The following NAALADL2 variants were observed in gnomAD, a reference collection of about 807,000 sequenced individuals.
NAALADL2 encodes the protein inactive N-acetylated-alpha-linked acidic dipeptidase-like protein 2.
NAALADL2 carries 76 observed loss-of-function variants against 87.2 expected under a neutral mutation model. That is an observed-to-expected ratio of 0.87 (90% CI 0.72 to 1.05). NAALADL2 has a LOEUF of 1.05. Among genes scored for constraint, NAALADL2 ranks in the 50% least tolerant of loss-of-function variants. The pLI is 0.00. For synonymous variants in NAALADL2, 354 were observed against 331.0 expected (o/e 1.07, Z -0.75); for missense variants, 1,089 against 945.8 (o/e 1.15, Z -1.99).
At chr3:175,608,857 A>G (rs1258264575) in intron 10 of NAALADL2, among the ~76,000 whole-genome samples, 1 of 152,118 alleles carries the variant, frequency 6.6e-6, no homozygotes, top group Non-Finnish European at 1.5e-5. Flanking sequence ...TGCATAGCTT[A>G]CCTTTTATTT....
Position 175,790,119 on chromosome 3 carries a change from C to A in NAALADL2, c.2190-12886C>A, listed in dbSNP as rs76743024. ...AATTACCAACACCAAGTAATTATGA[C>A]CTTTTTCTCTTCATTTTGATAACTT... On this transcript the variant is annotated intron_variant, in intron 13 of 13. Transcript: ENST00000454872. 3.5e-3 allele frequency among the ~76,000 whole-genome samples: 533 copies of A among 152,242 alleles called. 7 individuals are homozygous for A. The highest frequency in any genetic ancestry group is 0.012 in the African/African-American group (496 of 41,566).
intron 4 of NAALADL2, among the ~76,000 whole-genome samples, chr3:175,323,202 G>C (rs1281708942): frequency 6.7e-6 from 1 of 150,274 alleles, no homozygotes; most frequent in African/African-American, 2.5e-5. Flanking sequence ...CATGGATGAA[G>C]CTGGAAACCA....
At chr3:175,301,259 C>G (rs1757051487) in intron 4 of NAALADL2, among the ~76,000 whole-genome samples, 1 of 152,030 alleles carries the variant, frequency 6.6e-6, no homozygotes, top group Non-Finnish European at 1.5e-5. Context: ...CCCAGAGATT[C>G]TGCTATCCCT....
intron 1 of NAALADL2, among the ~76,000 whole-genome samples, chr3:174,516,738 ACT>A (rs1409356352): frequency 2.0e-5 from 3 of 151,602 alleles, no homozygotes; most frequent in Middle Eastern, 3.4e-3. Context: ...TTGTGGAACA[ACT>A]CTCTGATATA....
chr3:175,614,003 T>C (rs1725008365), intron 10 of NAALADL2, among the ~76,000 whole-genome samples: 1 of 152,154 alleles, frequency 6.6e-6, no homozygotes, highest in Non-Finnish European at 1.5e-5. Flanking sequence ...TCAAGAGATA[T>C]ACAATATCCC....
At chr3:174,559,572 T>G (rs562019951) in intron 2 of NAALADL2, among the ~76,000 whole-genome samples, 2 of 152,298 alleles carry the variant, frequency 1.3e-5, no homozygotes, top group East Asian at 3.9e-4. Flanking sequence ...TACTATAGAC[T>G]GGGTGACCTA....
chr3:175,761,441 G>A (rs1246715263), intron 13 of NAALADL2, among the ~76,000 whole-genome samples: 1 of 152,154 alleles, frequency 6.6e-6, no homozygotes, highest in Non-Finnish European at 1.5e-5. Flanking sequence ...TTTGGCAGTT[G>A]TGAATAAAGC....
intron 1 of NAALADL2, among the ~76,000 whole-genome samples, chr3:174,860,452 C>T (rs1306310235): frequency 6.6e-6 from 1 of 151,932 alleles, no homozygotes; most frequent in Non-Finnish European, 1.5e-5. Context: ...AGGTAAAAGG[C>T]TCATTTAGCA....
chr3:174,556,039 T>G (rs1712774800), intron 2 of NAALADL2, among the ~76,000 whole-genome samples: 2 of 152,024 alleles, frequency 1.3e-5, no homozygotes, highest in South Asian at 4.2e-4. Flanking sequence ...CTTCTAGTAC[T>G]ATCTATAATG....
chr3:174,506,170 T>C (rs1560019892), intron 1 of NAALADL2, among the ~76,000 whole-genome samples: 1 of 151,802 alleles, frequency 6.6e-6, no homozygotes, highest in Admixed American at 6.6e-5. Flanking sequence ...TGTCAATAAT[T>C]ATTGGTTTAT....
intron 3 of NAALADL2, among the ~76,000 whole-genome samples, 197 bp downstream of exon 3, chr3:175,234,401 A>G (rs890536207): frequency 6.6e-6 from 1 of 152,200 alleles, no homozygotes; most frequent in African/African-American, 2.4e-5. Flanking sequence ...AAGTGAAAAC[A>G]TGTTAGAAAA....
intron 4 of NAALADL2, among the ~76,000 whole-genome samples, chr3:175,287,533 TA>T (rs1348183599): frequency 9.8e-5 from 15 of 152,338 alleles, no homozygotes; most frequent in African/African-American, 3.6e-4. Flanking sequence ...AGAGGTTACA[TA>T]ACTTGCCCAG....
At chr3:175,634,742 A>G (rs369660571) in intron 11 of NAALADL2, among the ~76,000 whole-genome samples, 2 of 152,116 alleles carry the variant, frequency 1.3e-5, no homozygotes, top group African/African-American at 4.8e-5. Context: ...CTATTTAAGA[A>G]AACAAGTTTA....
At chr3:174,682,904 C>G (rs1727685747) in intron 2 of NAALADL2, among the ~76,000 whole-genome samples, 1 of 151,952 alleles carries the variant, frequency 6.6e-6, no homozygotes, top group Non-Finnish European at 1.5e-5. Context: ...ATGACTTCAC[C>G]CAAAAAACTA....
At chr3:174,817,423 G>A (rs566837591) in intron 3 of NAALADL2, among the ~76,000 whole-genome samples, 2 of 152,192 alleles carry the variant, frequency 1.3e-5, no homozygotes, top group African/African-American at 4.8e-5. Context: ...GCAACAGAGT[G>A]ACACCATGTC....
chr3:174,727,635 C>A (rs572186832), intron 2 of NAALADL2, among the ~76,000 whole-genome samples: 1 of 152,226 alleles, frequency 6.6e-6, no homozygotes, highest in Admixed American at 6.5e-5. Context: ...GTATCCCTCC[C>A]CAACCCCAAA....
In NAALADL2 at chr3:175,309,330, C is replaced by T. The variant is rs1190236857; in HGVS notation, c.940-14845C>T. ...CCTCCTGAGTAACTGGGATTACAGGCACCCACCACCATGCCCAGCTAATTT... is the reference window on the plus strand; with the variant it reads ...CCTCCTGAGTAACTGGGATTACAGGTACCCACCACCATGCCCAGCTAATTT... On this transcript the variant is annotated intron_variant, in intron 4 of 13. Coordinates refer to ENST00000454872, the MANE Select transcript of NAALADL2 (RefSeq NM_207015.3). Among the ~76,000 whole-genome samples, 4 of 152,122 alleles carry T rather than the reference C, an allele frequency of 2.6e-5. No homozygotes were observed. The South Asian group carries it at 8.3e-4, about 32-fold the overall frequency.
intron 1 of NAALADL2, among the ~76,000 whole-genome samples, chr3:175,019,987 C>G (rs1271554588): frequency 6.6e-6 from 1 of 152,016 alleles, no homozygotes; most frequent in Admixed American, 6.6e-5. Flanking sequence ...AACCAGATCT[C>G]TCCCATTTTT....
At position 175,206,262 on chromosome 3, in the gene NAALADL2, A is replaced by ATATT. The variant is rs1157257533; in HGVS notation, c.546-27668_546-27667insATTT. Reference sequence around the variant, plus strand: ...TAAAAAACTATATATATATATATATATTTTTTTTTTTCACTGTGTGTGTGT... The same window carrying ATATT: ...TAAAAAACTATATATATATATATATATATTTTTTTTTTTTTCACTGTGTGTGTGT... On this transcript the variant is annotated intron_variant, in intron 2 of 13. Transcript: ENST00000454872. Among the ~76,000 whole-genome samples the ATATT allele has an allele frequency of 2.1e-3, 220 of 103,140 alleles. 5 individuals are homozygous for ATATT. Among genetic ancestry groups the ATATT allele is most frequent in the East Asian group, 0.011 (30 of 2,792 alleles). 67.7% of individuals were successfully genotyped at this position (103,140 alleles called of 152,430 possible).
Sources: gnomAD v4.1 joint callset for allele counts (sites outside exome capture counted in the v4.1 genomes callset) on GRCh38, gnomAD v4.1.1 for gene constraint, MANE v1.5 for transcripts, NCBI Gene and HGNC (gene_info 2026-07-23, HGNC 2026-07-21) for gene names.